RNF149: variants seen among roughly 807,000 people sequenced by gnomAD.
RNF149 encodes ring finger protein 149.
A neutral mutation model predicts 39.0 loss-of-function variants in RNF149; 21 were observed. The ratio of observed to expected loss-of-function variants is 0.54; its 90% CI spans 0.38 to 0.77. RNF149 has a LOEUF of 0.77. Ranked by LOEUF, RNF149 falls within the 30% of genes least tolerant of loss-of-function variation. The pLI is 0.00. For missense variants in RNF149, 493 were observed against 534.9 expected (o/e 0.92, Z 0.77); for synonymous variants, 209 against 213.6 (o/e 0.98, Z 0.19).
At chr2:101,278,181 T>G (rs1415708098) in intron 6 of RNF149, among the ~76,000 whole-genome samples, 1 of 152,176 alleles carries the variant, frequency 6.6e-6, no homozygotes, top group African/African-American at 2.4e-5. Flanking sequence ...GGTCTCACTC[T>G]CTCACCCAGG....
Position 101,308,367 on chromosome 2 carries a change from A to C in RNF149, c.222T>G (p.His74Gln). The change falls in exon 1 of 7, where the codon CAT becomes CAG. Residue 74 changes from histidine (H) to glutamine (Q), a missense_variant. Coordinates refer to ENST00000295317, the MANE Select transcript of RNF149 (RefSeq NM_173647.4). ...GCGCCCACGGGACGCCCACCAGGCC[A>C]TGCGCGCCCTCCTTGGGCGAGCTGT... The part of the protein sequence containing the change: ...FGDSSPKEGA[H>Q]GLVGVPWAPG... The C allele has an allele frequency of 1.9e-6, 3 of 1,606,692 alleles. No individual in the cohort carries two copies. Among genetic ancestry groups the C allele is most frequent in the Non-Finnish European group, 2.5e-6 (3 of 1,178,100 alleles).
chr2:101,276,210 CA>C lies in RNF149; in HGVS notation c.*1027del, dbSNP rs571892776. On this transcript the variant is annotated 3_prime_UTR_variant, in exon 7 of 7. Transcript: ENST00000295317. ...CTGCCTCATACTCGACTTCTACCTC[CA>C]AGAAGTGAAAAAATAGCAGAGTGTG... The C allele has an allele frequency of 9.7e-4, 960 of 984,788 alleles. 10 individuals are homozygous for C. In the African/African-American group the frequency reaches 0.016, roughly 16 times the overall value. 61.0% of individuals were successfully genotyped at this position (984,788 alleles called of 1,614,324 possible). A position where few individuals can be genotyped will look rare whatever the true frequency, so the allele number is the denominator to read the frequency against.
rs1419174115 is a variant in RNF149, at chr2:101,291,526, TC to T, written c.781-2472del. Reference sequence around the variant, plus strand: ...TTGAACTCCTGGACTCAAGAGATCCTCCTGCCTCAGTCTCCCAAAGTGCTGG... The same window carrying T: ...TTGAACTCCTGGACTCAAGAGATCCTCTGCCTCAGTCTCCCAAAGTGCTGG... On this transcript the variant is annotated intron_variant, in intron 3 of 6. Transcript: ENST00000295317. Among the ~76,000 whole-genome samples, 5 of 151,746 alleles carry T rather than the reference TC, an allele frequency of 3.3e-5. No homozygotes were observed. The East Asian group carries it at 9.7e-4, about 29-fold the overall frequency.
At chr2:101,281,763 A>G in intron 6 of RNF149, 96 bp downstream of exon 6, 1 of 1,468,722 alleles carries the variant, frequency 6.8e-7, no homozygotes, top group African/African-American at 1.4e-5. Flanking sequence ...AACTCGAGCA[A>G]TCCTCCCACC....
intron 1 of RNF149, 157 bp downstream of exon 1, chr2:101,307,972 C>A: frequency 2.0e-6 from 2 of 985,472 alleles, no homozygotes; most frequent in Non-Finnish European, 2.4e-6. Context: ...GGGAGCCGCA[C>A]CGAGCAAACG....
At chr2:101,292,287 A>T (rs1381724900) in intron 3 of RNF149, among the ~76,000 whole-genome samples, 3 of 152,184 alleles carry the variant, frequency 2.0e-5, no homozygotes, top group African/African-American at 7.2e-5. Flanking sequence ...TATATACCAT[A>T]AGGCTTTTTT....
chr2:101,306,670 A>G (rs1185507147), intron 1 of RNF149, among the ~76,000 whole-genome samples: 1 of 152,058 alleles, frequency 6.6e-6, no homozygotes, highest in Non-Finnish European at 1.5e-5. Flanking sequence ...TGTCCCACCA[A>G]CCCATACTCC....
intron 1 of RNF149, among the ~76,000 whole-genome samples, chr2:101,299,560 G>A (rs1004365070): frequency 4.6e-5 from 7 of 152,292 alleles, no homozygotes; most frequent in African/African-American, 1.7e-4. Context: ...TTGCAAGCTA[G>A]AAGTCTTTTT....
At chr2:101,294,739 T>C (rs935521112) in intron 2 of RNF149, 192 bp downstream of exon 2, 3 of 572,648 alleles carry the variant, frequency 5.2e-6, no homozygotes, top group Non-Finnish European at 9.2e-6. Flanking sequence ...GACTTAAAGG[T>C]ATCTAATTTC....
Position 101,308,691 on chromosome 2 carries a change from G to C in RNF149, c.-103C>G. Reference sequence around the variant, plus strand: ...ACACCCACCGCCGCCCTGGAAGACTGAGGCGGGGTCGGGGCCGCTGCGCAC... The same window carrying C: ...ACACCCACCGCCGCCCTGGAAGACTCAGGCGGGGTCGGGGCCGCTGCGCAC... On this transcript the variant is annotated 5_prime_UTR_variant, in exon 1 of 7. Transcript: ENST00000295317. The C allele has an allele frequency of 1.8e-6, 2 of 1,134,046 alleles. No individual in the cohort carries two copies. The highest frequency in any genetic ancestry group is 1.7e-5 in the South Asian group (1 of 58,022). The allele number at this position is 1,134,046 out of a possible 1,614,324, so 70.2% of individuals were successfully genotyped here. A position where few individuals can be genotyped will look rare whatever the true frequency, so the allele number is the denominator to read the frequency against.
At chr2:101,272,486 CTT>C (rs994402922), downstream of RNF149, among the ~76,000 whole-genome samples, 4 of 152,066 alleles carry the variant, frequency 2.6e-5, no homozygotes, top group African/African-American at 7.2e-5. Flanking sequence ...TTAAAAAAAA[CTT>C]TTAAAACTTA....
chr2:101,292,773 G>GA (rs1168416716), intron 3 of RNF149, among the ~76,000 whole-genome samples: 4 of 149,844 alleles, frequency 2.7e-5, no homozygotes, highest in African/African-American at 7.4e-5. Context: ...CTCAAATGAA[G>GA]AAAAAAAAAG....
At chr2:101,273,457 A>T, downstream of RNF149, 3 of 399,734 alleles carry the variant, frequency 7.5e-6, no homozygotes, top group East Asian at 7.8e-5. Context: ...TTCAGCAAAA[A>T]CTCTTGTAAT....
Position 101,286,188 on chromosome 2 carries a change from T to C in RNF149, c.864-11A>G, listed in dbSNP as rs755407095. ...CTATGAAAAATATGCCTAAAAAGATTAAGTATGTGTTAATGTTTTTAAAAT... is the reference window on the plus strand; with the variant it reads ...CTATGAAAAATATGCCTAAAAAGATCAAGTATGTGTTAATGTTTTTAAAAT... On this transcript the variant is annotated splice_polypyrimidine_tract_variant and intron_variant, in intron 4 of 6. Transcript: ENST00000295317. 1 of 1,466,096 alleles carries C rather than the reference T, an allele frequency of 6.8e-7. No individual in the cohort carries two copies. Among genetic ancestry groups the C allele is most frequent in the Non-Finnish European group, 9.5e-7 (1 of 1,047,530 alleles). The allele number at this position is 1,466,096 out of a possible 1,614,324, so 90.8% of individuals were successfully genotyped here. A position where few individuals can be genotyped will look rare whatever the true frequency, so the allele number is the denominator to read the frequency against.
At chr2:101,274,112 G>C (rs1210076408), downstream of RNF149, among the ~76,000 whole-genome samples, 1 of 151,064 alleles carries the variant, frequency 6.6e-6, no homozygotes, top group Admixed American at 6.6e-5. Flanking sequence ...CAGCAATGGT[G>C]ATCTTCTTGC....
At chr2:101,278,425 G>A (rs546698928) in intron 6 of RNF149, among the ~76,000 whole-genome samples, 35 of 152,272 alleles carry the variant, frequency 2.3e-4, no homozygotes, top group African/African-American at 7.0e-4. Flanking sequence ...TTACAAGTGT[G>A]AGCCACCATG....
rs144532618 is a variant in RNF149 at position 101,286,657 on chromosome 2, T to C, written c.864-480A>G. Among the ~76,000 whole-genome samples the C allele has an allele frequency of 2.5e-3, 385 of 152,328 alleles. 2 individuals are homozygous for C. Among genetic ancestry groups the C allele is most frequent in the African/African-American group, 6.8e-3 (284 of 41,580 alleles). On this transcript the variant is annotated intron_variant, in intron 4 of 6. Coordinates refer to ENST00000295317, the MANE Select transcript of RNF149 (RefSeq NM_173647.4). The stretch of plus-strand genomic sequence containing the variant: ...GTTTTGTATACACTCCATTTTTCTA[T>C]AATGAACACCTATCACTTTCAGAAT...
intron 1 of RNF149, among the ~76,000 whole-genome samples, chr2:101,300,077 T>C (rs1391401691): frequency 6.6e-6 from 1 of 152,158 alleles, no homozygotes; most frequent in Non-Finnish European, 1.5e-5. Flanking sequence ...ACTTTTTCAA[T>C]AAGAAAGCAG....
intron 1 of RNF149, among the ~76,000 whole-genome samples, chr2:101,303,233 A>C (rs569798278): frequency 6.6e-6 from 1 of 151,096 alleles, no homozygotes; most frequent in Non-Finnish European, 1.5e-5. Context: ...CTCATGTCTC[A>C]GCCTCCCGAG....
Sources: gnomAD v4.1 joint callset for allele counts (sites outside exome capture counted in the v4.1 genomes callset) on GRCh38, gnomAD v4.1.1 for gene constraint, MANE v1.5 for transcripts, NCBI Gene and HGNC (gene_info 2026-07-23, HGNC 2026-07-21) for gene names.